DDOST: variants seen among roughly 807,000 people sequenced by gnomAD.
The protein encoded by DDOST is dolichyl-diphosphooligosaccharide--protein glycosyltransferase non-catalytic subunit.
Under a neutral mutation model 47.6 loss-of-function variants are expected in DDOST, and 25 were observed. That is an observed-to-expected ratio of 0.53 (90% CI 0.38 to 0.73). DDOST has a LOEUF of 0.73. Ranked by LOEUF, DDOST falls within the 30% of genes least tolerant of loss-of-function variation. The pLI is 0.00. For missense variants in DDOST, 526 were observed against 573.9 expected (o/e 0.92, Z 0.85); for synonymous variants, 275 against 236.0 (o/e 1.17, Z -1.51).
In DDOST at chr1:20,655,190, T is replaced by G. The variant is rs1438776768; in HGVS notation, c.551+250A>C. Among the ~76,000 whole-genome samples, 462 of 147,570 alleles carry G rather than the reference T, an allele frequency of 3.1e-3. 1 individual carries two copies. The highest frequency in any genetic ancestry group is 0.011 in the East Asian group (54 of 5,066). On this transcript the variant is annotated intron_variant, in intron 5 of 10. Coordinates refer to ENST00000602624, the MANE Select transcript of DDOST (RefSeq NM_005216.5). ...TTTTTTGTTTTTTTTTTTTTTTTTT[T>G]TTTTTAAAGAGAGGAGTTCTGTGTT...
Position 20,651,835 on chromosome 1 carries a change from T to TTATTTATTTATTTATA in DDOST, c.*543_*544insTATAAATAAATAAATA, listed in dbSNP as rs1570411239. ...TTTATTTATTTATTTATTTATTTAT[T>TTATTTATTTATTTATA]TATATTTGAGACAGAGTCTTAACAC... On this transcript the variant is annotated 3_prime_UTR_variant, in exon 11 of 11. Transcript: ENST00000602624. The TTATTTATTTATTTATA allele has an allele frequency of 7.6e-6, 1 of 131,588 alleles. No individual in the cohort carries two copies. Among genetic ancestry groups the TTATTTATTTATTTATA allele is most frequent in the East Asian group, 2.2e-4 (1 of 4,588 alleles). 8.2% of individuals were successfully genotyped at this position (131,588 alleles called of 1,614,324 possible). A position where few individuals can be genotyped will look rare whatever the true frequency, so the allele number is the denominator to read the frequency against.
Position 20,654,213 on chromosome 1 carries a change from T to C in DDOST, c.794+10A>G. ...CCGGATCCCCGGCCCCTAAGCCTCC[T>C]GGCAGCTACCTCTGGGAGCCGGGCG... On this transcript the variant is annotated intron_variant, in intron 7 of 10. Transcript: ENST00000602624. The C allele has an allele frequency of 1.3e-6, 2 of 1,550,342 alleles. No individual in the cohort carries two copies. Among genetic ancestry groups the C allele is most frequent in the South Asian group, 2.4e-5 (2 of 84,014 alleles).
Position 20,651,912 on chromosome 1 carries a change from GCC to G in DDOST, c.*465_*466del, listed in dbSNP as rs2053292831. Reference sequence around the variant, plus strand: ...GTGATCTCAGCTCACTGCAAGCTCTGCCTCTTGGATTCATGCCTTTCTCCTGC... The same window carrying G: ...GTGATCTCAGCTCACTGCAAGCTCTGTCTTGGATTCATGCCTTTCTCCTGC... On this transcript the variant is annotated 3_prime_UTR_variant, in exon 11 of 11. Coordinates refer to ENST00000602624, the MANE Select transcript of DDOST (RefSeq NM_005216.5). 1 of 154,732 alleles carries G rather than the reference GCC, an allele frequency of 6.5e-6. No individual in the cohort carries two copies. The highest frequency in any genetic ancestry group is 2.4e-5 in the African/African-American group (1 of 41,384). The allele number at this position is 154,732 out of a possible 1,614,324, so 9.6% of individuals were successfully genotyped here.
chr1:20,652,103 G>A lies in DDOST; in HGVS notation c.*276C>T. ...GCCTCCCAAAGTGCTGGGATTACAGGCATGAGCCACCGTGCCTGGCCACGT... is the reference window on the plus strand; with the variant it reads ...GCCTCCCAAAGTGCTGGGATTACAGACATGAGCCACCGTGCCTGGCCACGT... On this transcript the variant is annotated 3_prime_UTR_variant, in exon 11 of 11. Coordinates refer to ENST00000602624, the MANE Select transcript of DDOST (RefSeq NM_005216.5). 1 of 269,934 alleles carries A rather than the reference G, an allele frequency of 3.7e-6. No homozygotes were observed. The highest frequency in any genetic ancestry group is 7.1e-6 in the Non-Finnish European group (1 of 141,286). The allele number at this position is 269,934 out of a possible 1,614,324, so 16.7% of individuals were successfully genotyped here.
chr1:20,654,317 TC>T lies in DDOST; in HGVS notation c.699del (p.Asn234ThrfsTer41). On this transcript the variant is annotated frameshift_variant, in exon 7 of 11. Transcript: ENST00000602624. LOFTEE classifies it high-confidence loss of function. ...CCGCTGAAGATGACGCGGGCATTGT[TC>T]CTGGCCTGGAGCCCAGCAATGAGGA... ...NTLLIAGLQA[R>X]NNARVIFSGS... is the part of the protein sequence containing the mutation. 6.4e-7 allele frequency: 1 copy of T among 1,555,940 alleles called. No homozygotes were observed. The highest frequency in any genetic ancestry group is 1.2e-5 in the South Asian group (1 of 84,382).
intron 3 of DDOST, 95 bp from the exon 4 acceptor site, chr1:20,655,874 C>T: frequency 9.7e-7 from 1 of 1,035,618 alleles, no homozygotes; most frequent in Non-Finnish European, 1.5e-6. Flanking sequence ...CTGTCAGCCC[C>T]AGTGCCCTGC....
rs148134377 is a variant in DDOST at position 20,655,748 on chromosome 1, G to A, written c.384C>T (p.Cys128=). Residue 128 remains cysteine, a synonymous_variant, in exon 4 of 11, where the codon TGC becomes TGT. Coordinates refer to ENST00000602624, the MANE Select transcript of DDOST (RefSeq NM_005216.5). Reference sequence around the variant, plus strand: ...TTTTCTCCTCGTCAAACTCAATCCCGCACTCACTGCCCAGCTCTCGAAGAG... The same window carrying A: ...TTTTCTCCTCGTCAAACTCAATCCCACACTCACTGCCCAGCTCTCGAAGAG... ...GDPLRELGSE[C]GIEFDEEKTA... 119 of 1,613,976 alleles carry A rather than the reference G, an allele frequency of 7.4e-5. No homozygotes were observed. In the African/African-American group the frequency reaches 1.5e-3, roughly 20 times the overall value.
At chr1:20,655,368 A>C in intron 5 of DDOST, 72 bp downstream of exon 5, 1 of 1,255,830 alleles carries the variant, frequency 8.0e-7, no homozygotes, top group Non-Finnish European at 1.1e-6. Flanking sequence ...TTTTGCCTTG[A>C]TTTCCCAAAA....
At chr1:20,655,175 T>TTG (rs1397533557) in intron 5 of DDOST, among the ~76,000 whole-genome samples, 26 of 113,602 alleles carry the variant, frequency 2.3e-4, no homozygotes, top group African/African-American at 7.3e-4. Context: ...TTTTTTGTTT[T>TTG]TTTTTTTTTT....
intron 10 of DDOST, 46 bp from the exon 11 acceptor site, chr1:20,652,574 G>A (rs1379617763): frequency 4.3e-6 from 7 of 1,613,996 alleles, no homozygotes; most frequent in Non-Finnish European, 5.9e-6. Context: ...GCAGAGCCCA[G>A]GCAGGGCACA....
At position 20,652,339 on chromosome 1, in the gene DDOST, T is replaced by G. The variant is rs6893; in HGVS notation, c.*40A>C. ...CCACCAATCCTAATAACCCCCCTCC[T>G]TGCCCCGTCTCCACGCTGTGCGGAG... On this transcript the variant is annotated 3_prime_UTR_variant, in exon 11 of 11. Transcript: ENST00000602624. 1,243 of 1,530,388 alleles carry G rather than the reference T, an allele frequency of 8.1e-4. 15 individuals are homozygous for G. Among genetic ancestry groups the G allele is most frequent in the Non-Finnish European group, 4.3e-5 (49 of 1,140,320 alleles). 94.8% of individuals were successfully genotyped at this position (1,530,388 alleles called of 1,614,324 possible).
chr1:20,654,466 G>T, intron 6 of DDOST, 95 bp from the exon 7 acceptor site: 1 of 1,452,392 alleles, frequency 6.9e-7, no homozygotes, highest in South Asian at 1.2e-5. Context: ...AGACCAAAAC[G>T]ACCCTGGCCC....
chr1:20,657,992 C>G (rs75536628), intron 2 of DDOST, among the ~76,000 whole-genome samples: 6 of 152,088 alleles, frequency 3.9e-5, no homozygotes, highest in Admixed American at 1.3e-4. Context: ...GGCAGAGGCC[C>G]GGGTGCTGTT....
Position 20,652,847 on chromosome 1 carries a change from T to C in DDOST, c.1063+4A>G. 1 of 1,614,144 alleles carries C rather than the reference T, an allele frequency of 6.2e-7. No homozygotes were observed. Among genetic ancestry groups the C allele is most frequent in the Non-Finnish European group, 8.5e-7 (1 of 1,180,020 alleles). ...CAGCATCCTCGTGCAGGAACTACAC[T>C]CACCTTTCTTCTTCAGGAAGGTCCT... On this transcript the variant is annotated splice_donor_region_variant and intron_variant, in intron 9 of 10. Coordinates refer to ENST00000602624, the MANE Select transcript of DDOST (RefSeq NM_005216.5).
At chr1:20,659,152 C>G (rs575891940) in intron 2 of DDOST, among the ~76,000 whole-genome samples, 67 of 127,644 alleles carry the variant, frequency 5.2e-4, no homozygotes, top group African/African-American at 2.0e-3. Flanking sequence ...GCTATCATAC[C>G]TAGCCTTTTC....
intron 2 of DDOST, among the ~76,000 whole-genome samples, chr1:20,656,694 T>C (rs1215488066): frequency 3.3e-5 from 5 of 152,174 alleles, no homozygotes; most frequent in African/African-American, 1.2e-4. Context: ...AATCCATTTT[T>C]CCCTATTAAT....
chr1:20,661,341 T>C lies in DDOST; in HGVS notation c.10A>G (p.Ser4Gly), dbSNP rs1166127455. The C allele has an allele frequency of 1.9e-6, 3 of 1,612,774 alleles. No individual in the cohort carries two copies. The Admixed American group carries it at 5.0e-5, about 27-fold the overall frequency. MEPSTAARAWALFW... is the reference protein window; with the variant it reads MEPGTAARAWALFW... ...AGGGCCCAAGCCCGGGCCGCGGTGCTGGGCTCCATCTTCCTCCTCCTGCCG... is the reference window on the plus strand; with the variant it reads ...AGGGCCCAAGCCCGGGCCGCGGTGCCGGGCTCCATCTTCCTCCTCCTGCCG... The change falls in exon 1 of 11, where the codon AGC becomes GGC. Residue 4 changes from serine (S) to glycine (G), a missense_variant. By Grantham distance (56) the Ser-to-Gly change is moderately conservative. Transcript: ENST00000602624.
intron 2 of DDOST, among the ~76,000 whole-genome samples, chr1:20,660,127 G>A (rs772587162): frequency 7.0e-4 from 106 of 152,310 alleles, no homozygotes; most frequent in Non-Finnish European, 1.3e-3. Flanking sequence ...CAGTCTGGAG[G>A]AGAAACAACC....
chr1:20,652,575 G>A (rs747769976), intron 10 of DDOST, 46 bp downstream of exon 10: 2 of 1,613,906 alleles, frequency 1.2e-6, no homozygotes, highest in South Asian at 2.2e-5. Context: ...CAGAGCCCAG[G>A]CAGGGCACAT....
Sources: gnomAD v4.1 joint callset for allele counts (sites outside exome capture counted in the v4.1 genomes callset) on GRCh38, gnomAD v4.1.1 for gene constraint, MANE v1.5 for transcripts, NCBI Gene and HGNC (gene_info 2026-07-23, HGNC 2026-07-21) for gene names.